Variants in TACR3 observed in about 807,000 individuals in gnomAD.
TACR3 encodes the protein neuromedin-K receptor.
A neutral mutation model predicts 35.0 loss-of-function variants in TACR3; 34 were observed. The observed-to-expected ratio is 0.97, with a 90% CI of 0.74 to 1.30. The LOEUF (loss-of-function observed/expected upper bound fraction) is 1.30. TACR3 is among the 50% of genes most tolerant of loss of function. The probability of loss-of-function intolerance (pLI) is 0.00; values close to 1 mark genes in which losing one functional copy is unlikely to be tolerated. For missense variants in TACR3, 558 were observed against 591.7 expected (o/e 0.94, Z 0.59); for synonymous variants, 233 against 221.1 (o/e 1.05, Z -0.48).
intron 3 of TACR3, among the ~76,000 whole-genome samples, chr4:103,655,019 T>C (rs1372568783): frequency 3.3e-5 from 5 of 152,166 alleles, no homozygotes; most frequent in Non-Finnish European, 5.9e-5. Flanking sequence ...GTAAAGCTTT[T>C]TGAAAGAAAA....
chr4:103,668,654 C>G (rs1358213048), intron 1 of TACR3, among the ~76,000 whole-genome samples: 1 of 151,954 alleles, frequency 6.6e-6, no homozygotes, highest in Non-Finnish European at 1.5e-5. Flanking sequence ...TCAAGACCAG[C>G]CTGGCCAACA....
chr4:103,614,779 T>G, intron 3 of TACR3, among the ~76,000 whole-genome samples: 1 of 151,976 alleles, frequency 6.6e-6, no homozygotes. Flanking sequence ...CATTCAATAT[T>G]CAATATTCAG....
intron 3 of TACR3, among the ~76,000 whole-genome samples, chr4:103,622,085 G>A (rs897126624): frequency 6.6e-6 from 1 of 152,186 alleles, no homozygotes; most frequent in Non-Finnish European, 1.5e-5. Flanking sequence ...TGGACAGGGA[G>A]ACTTCTCGAA....
chr4:103,627,281 C>T (rs1424289271), intron 3 of TACR3, among the ~76,000 whole-genome samples: 1 of 142,370 alleles, frequency 7.0e-6, no homozygotes, highest in African/African-American at 2.6e-5. Context: ...TTTGAGAAGC[C>T]AGGGTGATGG....
In TACR3 at chr4:103,589,737, G is replaced by C; in HGVS notation, c.1343C>G (p.Ser448Cys). 1.2e-6 allele frequency: 2 copies of C among 1,613,954 alleles called. No homozygotes were observed. Among genetic ancestry groups the C allele is most frequent in the East Asian group, 2.2e-5 (1 of 44,870 alleles). Reference sequence around the variant, plus strand: ...TGAGCTTATGAAACTTGAAGTGGCGGAGGCAGATTTGGAATTCCTGCGAGA... The same window carrying C: ...TGAGCTTATGAAACTTGAAGTGGCGCAGGCAGATTTGGAATTCCTGCGAGA... ...GCSRRNSKSA[S>C]ATSSFISSPY... Residue 448 changes from serine to cysteine, a missense_variant, in exon 5 of 5, where the codon TCC becomes TGC. By Grantham distance (112) the Ser-to-Cys change is moderately radical (BLOSUM62 -1). Coordinates refer to ENST00000304883, the MANE Select transcript of TACR3 (RefSeq NM_001059.3).
chr4:103,660,905 C>T (rs903306465), intron 1 of TACR3, among the ~76,000 whole-genome samples: 1 of 151,882 alleles, frequency 6.6e-6, no homozygotes, highest in Admixed American at 6.6e-5. Context: ...AATAGGGTTA[C>T]ATACATCATA....
chr4:103,605,076 T>C (rs1724322623), intron 3 of TACR3, among the ~76,000 whole-genome samples: 1 of 147,280 alleles, frequency 6.8e-6, no homozygotes, highest in Non-Finnish European at 1.5e-5. Flanking sequence ...TGAGAATATG[T>C]GGTGTTTGGC....
intron 3 of TACR3, among the ~76,000 whole-genome samples, chr4:103,635,026 A>G (rs776509328): frequency 4.0e-4 from 61 of 152,122 alleles, no homozygotes; most frequent in Non-Finnish European, 6.5e-4. Context: ...AGCTAGTTTC[A>G]GTCTCCATAT....
At chr4:103,703,273 G>GGCAA (rs1722703681) in intron 1 of TACR3, among the ~76,000 whole-genome samples, 2 of 151,978 alleles carry the variant, frequency 1.3e-5, no homozygotes, top group Admixed American at 1.3e-4. Flanking sequence ...CATTGTAAGT[G>GGCAA]TACAGTTCAA....
intron 1 of TACR3, among the ~76,000 whole-genome samples, chr4:103,715,941 G>T (rs1417498428): frequency 6.6e-6 from 1 of 151,878 alleles, no homozygotes; most frequent in East Asian, 1.9e-4. Context: ...GTTTAAACTA[G>T]TACTAAATTC....
intron 1 of TACR3, among the ~76,000 whole-genome samples, chr4:103,689,256 C>G (rs28794606): frequency 0.44 from 37,913 of 85,390 alleles, 9,737 homozygotes; most frequent in African/African-American, 0.77. Context: ...GTTGTGGGGT[C>G]GGGGGAGGGG....
At chr4:103,602,963 G>A (rs1430501692) in intron 3 of TACR3, among the ~76,000 whole-genome samples, 2 of 152,248 alleles carry the variant, frequency 1.3e-5, no homozygotes, top group African/African-American at 4.8e-5. Context: ...CTGTCTTTTT[G>A]TTTGTCTGTG....
intron 1 of TACR3, among the ~76,000 whole-genome samples, chr4:103,663,253 G>A (rs1182843335): frequency 6.6e-6 from 1 of 152,148 alleles, no homozygotes; most frequent in African/African-American, 2.4e-5. Context: ...CAGCACTTTG[G>A]GAGCCCAAGG....
intron 3 of TACR3, among the ~76,000 whole-genome samples, chr4:103,631,951 C>T (rs1725076083): frequency 6.6e-6 from 1 of 152,142 alleles, no homozygotes; most frequent in African/African-American, 2.4e-5. Context: ...GTTCTTTCCT[C>T]TATTTTTTAA....
At chr4:103,604,433 A>G (rs1039088428) in intron 3 of TACR3, among the ~76,000 whole-genome samples, 11 of 152,208 alleles carry the variant, frequency 7.2e-5, no homozygotes, top group Non-Finnish European at 1.6e-4. Context: ...AAACCATAAA[A>G]ACCCTAGAAG....
At chr4:103,597,777 T>C (rs929962838) in intron 3 of TACR3, among the ~76,000 whole-genome samples, 2 of 152,240 alleles carry the variant, frequency 1.3e-5, no homozygotes, top group South Asian at 2.1e-4. Context: ...ACAAAGGACA[T>C]GAACTCATCA....
At chr4:103,708,031 A>G (rs1451463436) in intron 1 of TACR3, among the ~76,000 whole-genome samples, 1 of 152,196 alleles carries the variant, frequency 6.6e-6, no homozygotes, top group Non-Finnish European at 1.5e-5. Context: ...AGCCCACTGC[A>G]GCTCAAGGAG....
rs1723862453 is a variant in TACR3, at chr4:103,590,119, A to T, written c.1086-125T>A. On this transcript the variant is annotated intron_variant, in intron 4 of 4. Transcript: ENST00000304883. ...CAGTTTTTGAGTTTGGTTTTTAGCCAGACTCTTAGAATTTATGTCACAGTA... is the reference window on the plus strand; with the variant it reads ...CAGTTTTTGAGTTTGGTTTTTAGCCTGACTCTTAGAATTTATGTCACAGTA... 3.5e-6 allele frequency: 4 copies of T among 1,144,138 alleles called. No individual in the cohort carries two copies. In the East Asian group the frequency reaches 1.0e-4, roughly 29 times the overall value. 70.9% of individuals were successfully genotyped at this position (1,144,138 alleles called of 1,614,324 possible). A position where few individuals can be genotyped will look rare whatever the true frequency, so the allele number is the denominator to read the frequency against.
chr4:103,641,117 T>C (rs978086123), intron 3 of TACR3, among the ~76,000 whole-genome samples: 1 of 151,996 alleles, frequency 6.6e-6, no homozygotes, highest in African/African-American at 2.4e-5. Flanking sequence ...TTCTTCTGCA[T>C]GTGTATACCC....
Sources: gnomAD v4.1 joint callset for allele counts (sites outside exome capture counted in the v4.1 genomes callset) on GRCh38, gnomAD v4.1.1 for gene constraint, MANE v1.5 for transcripts, NCBI Gene and HGNC (gene_info 2026-07-23, HGNC 2026-07-21) for gene names.